PCSK1: variants seen among roughly 807,000 people sequenced by gnomAD.
PCSK1 encodes the protein proprotein convertase subtilisin/kexin type 1.
PCSK1 carries 56 observed loss-of-function variants against 90.6 expected under a neutral mutation model. The ratio of observed to expected loss-of-function variants is 0.62; its 90% CI spans 0.50 to 0.77. PCSK1 has a LOEUF of 0.77. PCSK1 is among the 30% of genes least tolerant of loss of function. The pLI, the probability that PCSK1 is intolerant of heterozygous loss-of-function variation, is 0.00. For synonymous variants in PCSK1, 348 were observed against 342.4 expected (o/e 1.02, Z -0.18); for missense variants, 801 against 932.6 (o/e 0.86, Z 1.84).
intron 7 of PCSK1, among the ~76,000 whole-genome samples, chr5:96,411,929 C>T (rs1482609702): frequency 6.6e-6 from 1 of 152,194 alleles, no homozygotes; most frequent in Non-Finnish European, 1.5e-5. Context: ...TGTGCCTCAG[C>T]CTCCCGAGTA....
intron 5 of PCSK1, among the ~76,000 whole-genome samples, chr5:96,416,733 T>C (rs1016397755): frequency 1.3e-5 from 2 of 152,200 alleles, no homozygotes; most frequent in Admixed American, 6.5e-5. Context: ...TACCAGCTAA[T>C]TGGAAAGCCA....
rs374166020 is a variant in PCSK1, at chr5:96,401,298, A to G, written c.1197-1112T>C. Among the ~76,000 whole-genome samples, 27 of 152,198 alleles carry G rather than the reference A, an allele frequency of 1.8e-4. 1 individual carries two copies. The highest frequency in any genetic ancestry group is 6.3e-4 in the African/African-American group (26 of 41,506). On this transcript the variant is annotated intron_variant, in intron 9 of 13. Coordinates refer to ENST00000311106, the MANE Select transcript of PCSK1 (RefSeq NM_000439.5). ...CTTTGACAGGGGGTAGAGTGTTAAGAAGTGGAGATAGAGAAGAAGGCCACT... is the reference window on the plus strand; with the variant it reads ...CTTTGACAGGGGGTAGAGTGTTAAGGAGTGGAGATAGAGAAGAAGGCCACT...
At chr5:96,427,277 A>G (rs1446826282) in intron 2 of PCSK1, among the ~76,000 whole-genome samples, 4 of 152,260 alleles carry the variant, frequency 2.6e-5, no homozygotes, top group Admixed American at 2.6e-4. Flanking sequence ...ATCCAATTGT[A>G]GAAAACAGTG....
At chr5:96,420,153 A>G (rs1761074277) in intron 5 of PCSK1, among the ~76,000 whole-genome samples, 1 of 152,194 alleles carries the variant, frequency 6.6e-6, no homozygotes, top group Non-Finnish European at 1.5e-5. Flanking sequence ...CCATTTCCTC[A>G]GGAAGTTCAT....
At chr5:96,419,433 C>T (rs1235012682) in intron 5 of PCSK1, among the ~76,000 whole-genome samples, 2 of 148,266 alleles carry the variant, frequency 1.3e-5, no homozygotes, top group East Asian at 3.9e-4. Flanking sequence ...CTCTCTCTCT[C>T]TCCCTCTCTC....
rs964811680 is a variant in PCSK1, at chr5:96,400,003, G to A, written c.1380C>T (p.Ser460=). The stretch of plus-strand genomic sequence containing the variant: ...CAACACACTCTTTCTTCTCAGGCAC[G>A]CTCCTCCAGGTCCTGGGGTCAGCTA... ...VDLADPRTWR[S]VPEKKECVVK... Residue 460 remains serine (S), a synonymous_variant, in exon 10 of 14, where the codon AGC becomes AGT. Transcript: ENST00000311106. 1.1e-5 allele frequency: 17 copies of A among 1,614,034 alleles called. No homozygotes were observed. The highest frequency in any genetic ancestry group is 5.0e-5 in the Admixed American group (3 of 59,990).
chr5:96,427,552 G>T (rs155996), intron 2 of PCSK1, among the ~76,000 whole-genome samples: 105,919 of 152,038 alleles, frequency 0.7, 37,879 homozygotes, highest in African/African-American at 0.87. Flanking sequence ...TGCTGGAGAA[G>T]GAATTCTTAG....
In PCSK1 at chr5:96,429,194, A is replaced by T. The variant is rs1761412044; in HGVS notation, c.285+19T>A. 1 of 1,202,802 alleles carries T rather than the reference A, an allele frequency of 8.3e-7. No homozygotes were observed. The highest frequency in any genetic ancestry group is 1.2e-6 in the Non-Finnish European group (1 of 805,816). The allele number at this position is 1,202,802 out of a possible 1,614,324, so 74.5% of individuals were successfully genotyped here. ...GATAAGCTAGAGTATTGGTTTGAAGACAAATGTACAACACTTACACGATCA... is the reference window on the plus strand; with the variant it reads ...GATAAGCTAGAGTATTGGTTTGAAGTCAAATGTACAACACTTACACGATCA... On this transcript the variant is annotated intron_variant, in intron 2 of 13. Coordinates refer to ENST00000311106, the MANE Select transcript of PCSK1 (RefSeq NM_000439.5).
rs1258307634 is a variant in PCSK1 at position 96,405,540 on chromosome 5, A to T, written c.1196+2683T>A. On this transcript the variant is annotated intron_variant, in intron 9 of 13. Transcript: ENST00000311106. The stretch of plus-strand genomic sequence containing the variant: ...GATCAAATTAGCCAGGCATGGTGGC[A>T]CATGCCTGTAATCCCAGCTACTCAG... 2.0e-5 allele frequency among the ~76,000 whole-genome samples: 3 copies of T among 152,172 alleles called. No individual in the cohort carries two copies. In the East Asian group the frequency reaches 5.8e-4, roughly 29 times the overall value.
intron 1 of PCSK1, among the ~76,000 whole-genome samples, chr5:96,430,105 T>C (rs1580771394): frequency 6.6e-6 from 1 of 152,208 alleles, no homozygotes; most frequent in East Asian, 1.9e-4. Flanking sequence ...CTATTAGTGA[T>C]CGTTTGATTT....
At position 96,392,180 on chromosome 5, in the gene PCSK1, T is replaced by C. The variant is rs915782444; in HGVS notation, c.*821A>G. Reference sequence around the variant, plus strand: ...TGCCAAGTCCCAAGTGTAAGTTTTTTTTTTTCTGGGAAAGTGGTATATATC... The same window carrying C: ...TGCCAAGTCCCAAGTGTAAGTTTTTCTTTTTCTGGGAAAGTGGTATATATC... On this transcript the variant is annotated 3_prime_UTR_variant, in exon 14 of 14. Transcript: ENST00000311106. 6.6e-6 allele frequency: 1 copy of C among 152,178 alleles called. No individual in the cohort carries two copies. Among genetic ancestry groups the C allele is most frequent in the African/African-American group, 2.4e-5 (1 of 41,440 alleles). The allele number at this position is 152,178 out of a possible 1,614,324, so 9.4% of individuals were successfully genotyped here.
intron 9 of PCSK1, among the ~76,000 whole-genome samples, chr5:96,404,168 T>G (rs1760477725): frequency 1.3e-5 from 2 of 152,238 alleles, no homozygotes; most frequent in African/African-American, 4.8e-5. Flanking sequence ...CTAATGGGTT[T>G]CTACACAAAC....
At chr5:96,406,978 T>A (rs141451263) in intron 9 of PCSK1, among the ~76,000 whole-genome samples, 1 of 152,306 alleles carries the variant, frequency 6.6e-6, no homozygotes. Context: ...TATTGGACTA[T>A]TGGGTAATTA....
intron 2 of PCSK1, among the ~76,000 whole-genome samples, chr5:96,426,946 G>C (rs1761327791): frequency 6.6e-6 from 1 of 152,126 alleles, no homozygotes; most frequent in Admixed American, 6.5e-5. Context: ...TAGTCACTAT[G>C]ATTTATTTTT....
chr5:96,404,947 A>G (rs967003338), intron 9 of PCSK1, among the ~76,000 whole-genome samples: 7 of 152,288 alleles, frequency 4.6e-5, no homozygotes, highest in Admixed American at 4.6e-4. Flanking sequence ...ATTATTCTTG[A>G]TAAGTTTAGG....
In PCSK1 at chr5:96,399,996, C is replaced by T. The variant is rs143174906; in HGVS notation, c.1387G>A (p.Glu463Lys). 228 of 1,614,206 alleles carry T rather than the reference C, an allele frequency of 1.4e-4. 1 individual carries two copies. In the African/African-American group the frequency reaches 2.2e-3, roughly 16 times the overall value. The change falls in exon 10 of 14, where the codon GAG becomes AAG. Residue 463 changes from glutamate (E) to lysine (K), a missense_variant. Coordinates refer to ENST00000311106, the MANE Select transcript of PCSK1 (RefSeq NM_000439.5). Reference sequence around the variant, plus strand: ...TCCTTTACAACACACTCTTTCTTCTCAGGCACGCTCCTCCAGGTCCTGGGG... The same window carrying T: ...TCCTTTACAACACACTCTTTCTTCTTAGGCACGCTCCTCCAGGTCCTGGGG... ...ADPRTWRSVP[E>K]KKECVVKDND...
At chr5:96,398,713 A>G (rs369522697) in intron 11 of PCSK1, among the ~76,000 whole-genome samples, 166 bp downstream of exon 11, 19 of 152,234 alleles carry the variant, frequency 1.2e-4, no homozygotes, top group East Asian at 9.6e-4. Flanking sequence ...TGGGCAGGGC[A>G]GAGGGAGATC....
chr5:96,403,470 T>G (rs548122163), intron 9 of PCSK1, among the ~76,000 whole-genome samples: 77 of 152,304 alleles, frequency 5.1e-4, no homozygotes, highest in African/African-American at 1.2e-3. Context: ...TATTGTTCAT[T>G]CGTGTGCTTG....
intron 9 of PCSK1, among the ~76,000 whole-genome samples, chr5:96,404,275 A>G (rs1330154290): frequency 1.3e-5 from 2 of 152,206 alleles, no homozygotes; most frequent in Non-Finnish European, 2.9e-5. Flanking sequence ...AGCATTAAAA[A>G]GTGCCTGGGA....
Sources: allele counts gnomAD v4.1 joint callset (sites outside exome capture counted in the v4.1 genomes callset), GRCh38; gene constraint gnomAD v4.1.1; transcripts MANE v1.5; gene names NCBI Gene and HGNC (gene_info 2026-07-23, HGNC 2026-07-21).